DLC1: variants seen among roughly 807,000 people sequenced by gnomAD.
DLC1 encodes the protein DLC1 Rho GTPase activating protein.
Under a neutral mutation model 140.3 loss-of-function variants are expected in DLC1, and 54 were observed. That is an observed-to-expected ratio of 0.38 (90% CI 0.31 to 0.48). The LOEUF (loss-of-function observed/expected upper bound fraction) is 0.48, where lower values mean the gene tolerates loss of function less well. Ranked by LOEUF, DLC1 falls within the 20% of genes least tolerant of loss-of-function variation. The pLI, the probability that DLC1 is intolerant of heterozygous loss-of-function variation, is 0.96. For missense variants in DLC1, 2,536 were observed against 1,907.0 expected (o/e 1.33, Z -6.14); for synonymous variants, 986 against 728.1 (o/e 1.35, Z -5.70).
At chr8:13,221,304 C>A (rs894481584) in intron 5 of DLC1, among the ~76,000 whole-genome samples, 1 of 152,048 alleles carries the variant, frequency 6.6e-6, no homozygotes, top group Non-Finnish European at 1.5e-5. Context: ...TGGCTGACAA[C>A]CAGGATCCCT....
At chr8:13,310,154 A>T (rs937832486) in intron 4 of DLC1, among the ~76,000 whole-genome samples, 1 of 152,162 alleles carries the variant, frequency 6.6e-6, no homozygotes, top group African/African-American at 2.4e-5. Flanking sequence ...AAGCAAATTT[A>T]TTTTTTTGTC....
upstream of DLC1, chr8:13,514,978 T>A (rs915508841): frequency 4.2e-6 from 1 of 239,018 alleles, no homozygotes; most frequent in Admixed American, 5.6e-5. Flanking sequence ...CCCAGCCGCC[T>A]GGGCGTTTTA....
chr8:13,295,595 A>G (rs1480646923), intron 5 of DLC1, among the ~76,000 whole-genome samples: 2 of 152,198 alleles, frequency 1.3e-5, no homozygotes, highest in Admixed American at 1.3e-4. Flanking sequence ...TAATTCTATA[A>G]TAGAAATGTC....
intron 4 of DLC1, among the ~76,000 whole-genome samples, chr8:13,384,655 G>A (rs1836433887): frequency 6.6e-6 from 1 of 152,118 alleles, no homozygotes; most frequent in African/African-American, 2.4e-5. Context: ...GTGTTCTAAA[G>A]TATTGAATTT....
intron 1 of DLC1, among the ~76,000 whole-genome samples, chr8:13,529,406 C>A (rs577036564): frequency 1.3e-5 from 2 of 152,140 alleles, no homozygotes; most frequent in East Asian, 3.9e-4. Context: ...CAACATTTTC[C>A]CCCAAACCTT....
At chr8:13,502,398 A>G (rs1425241007) in intron 1 of DLC1, among the ~76,000 whole-genome samples, 1 of 152,140 alleles carries the variant, frequency 6.6e-6, no homozygotes, top group South Asian at 2.1e-4. Context: ...CATAACGATC[A>G]TTATTACATT....
chr8:13,290,821 A>AG (rs1831727802), intron 5 of DLC1, among the ~76,000 whole-genome samples: 3 of 152,348 alleles, frequency 2.0e-5, no homozygotes, highest in Middle Eastern at 3.4e-3. Flanking sequence ...GTTGTGGAGA[A>AG]TGTGAGCATT....
intron 5 of DLC1, among the ~76,000 whole-genome samples, chr8:13,184,406 G>C (rs1826224733): frequency 2.0e-5 from 3 of 152,096 alleles, no homozygotes; most frequent in Non-Finnish European, 4.4e-5. Context: ...GTCAATTTTA[G>C]ATCTTTTCTG....
intron 4 of DLC1, among the ~76,000 whole-genome samples, chr8:13,391,675 A>G (rs1836768134): frequency 6.6e-6 from 1 of 152,208 alleles, no homozygotes; most frequent in South Asian, 2.1e-4. Flanking sequence ...ACACAGGGGT[A>G]ACTGAAGAAA....
At chr8:13,170,644 G>T (rs892808345) in intron 5 of DLC1, among the ~76,000 whole-genome samples, 11 of 151,426 alleles carry the variant, frequency 7.3e-5, no homozygotes, top group African/African-American at 2.7e-4. Context: ...GCAGGAGAAT[G>T]GCGTGAACCC....
intron 1 of DLC1, among the ~76,000 whole-genome samples, chr8:13,521,551 G>T (rs1411950412): frequency 1.3e-5 from 2 of 152,102 alleles, no homozygotes; most frequent in Non-Finnish European, 2.9e-5. Context: ...CCTGTCTTCA[G>T]TCCCCTCAAA....
rs549507764 is a variant in DLC1, at chr8:13,085,721, G to T, written c.*90C>A. ...CCAGCTTGTAGTTTTCTTTGTTTCA[G>T]GATTAGACACAGAACCCATTCTTCA... On this transcript the variant is annotated 3_prime_UTR_variant, in exon 18 of 18. Transcript: ENST00000276297. 68 of 1,568,694 alleles carry T rather than the reference G, an allele frequency of 4.3e-5. 1 individual carries two copies. In the South Asian group the frequency reaches 7.9e-4, roughly 18 times the overall value.
At chr8:13,422,463 T>C (rs928770176) in intron 2 of DLC1, among the ~76,000 whole-genome samples, 8 of 152,022 alleles carry the variant, frequency 5.3e-5, no homozygotes, top group Non-Finnish European at 1.0e-4. Context: ...TAATAAATGA[T>C]TGGCTTCCTA....
In DLC1 at chr8:13,579,245, C is replaced by CATACATATATAT. The variant is rs1554546967; in HGVS notation, c.-126+25291_-126+25292insATATATATGTAT. Among the ~76,000 whole-genome samples the CATACATATATAT allele has an allele frequency of 7.9e-4, 15 of 18,890 alleles. 3 individuals are homozygous for CATACATATATAT. The highest frequency in any genetic ancestry group is 3.1e-3 in the South Asian group (1 of 324). 12.4% of individuals were successfully genotyped at this position (18,890 alleles called of 152,430 possible). ...GGAGCTCTAATTGAGGAACAGGGAG[C>CATACATATATAT]ATATATATATATATATATATATATG... On this transcript the variant is annotated intron_variant, in intron 1 of 1. Coordinates refer to the DLC1 transcript ENST00000631382.
At chr8:13,365,729 G>A (rs912890233) in intron 4 of DLC1, among the ~76,000 whole-genome samples, 2 of 151,962 alleles carry the variant, frequency 1.3e-5, no homozygotes, top group South Asian at 2.1e-4. Context: ...TGGGGAGAGC[G>A]GAATGTGAGG....
intron 5 of DLC1, among the ~76,000 whole-genome samples, chr8:13,285,378 C>A (rs1246186321): frequency 6.6e-6 from 1 of 152,086 alleles, no homozygotes; most frequent in Non-Finnish European, 1.5e-5. Context: ...TACCTCACAC[C>A]TAAAACAAAC....
At chr8:13,370,868 G>A (rs1563291635) in intron 4 of DLC1, among the ~76,000 whole-genome samples, 2 of 152,086 alleles carry the variant, frequency 1.3e-5, no homozygotes, top group Admixed American at 1.3e-4. Context: ...TAGGACGAGT[G>A]GATCCCTGCC....
intron 5 of DLC1, among the ~76,000 whole-genome samples, chr8:13,189,177 G>T (rs895773984): frequency 2.6e-5 from 4 of 151,994 alleles, no homozygotes; most frequent in African/African-American, 7.3e-5. Flanking sequence ...TTTATGTAAG[G>T]TCATTCAACA....
chr8:13,087,001 T>C (rs1283780274), intron 16 of DLC1, among the ~76,000 whole-genome samples: 1 of 152,108 alleles, frequency 6.6e-6, no homozygotes, highest in Non-Finnish European at 1.5e-5. Context: ...CCCCCCCATC[T>C]CAAAATAAAT....
Sources: allele counts gnomAD v4.1 joint callset (sites outside exome capture counted in the v4.1 genomes callset), GRCh38; gene constraint gnomAD v4.1.1; transcripts MANE v1.5; gene names NCBI Gene and HGNC (gene_info 2026-07-23, HGNC 2026-07-21).